NLGN1: variants seen among roughly 807,000 people sequenced by gnomAD.
NLGN1 encodes neuroligin 1.
A neutral mutation model predicts 65.5 loss-of-function variants in NLGN1; 12 were observed. That is an observed-to-expected ratio of 0.18 (90% CI 0.12 to 0.30). The LOEUF (loss-of-function observed/expected upper bound fraction) is 0.30, where lower values mean the gene tolerates loss of function less well. Ranked by LOEUF, NLGN1 falls within the 10% of genes least tolerant of loss-of-function variation. The pLI, the probability that NLGN1 is intolerant of heterozygous loss-of-function variation, is 1.00. For synonymous variants in NLGN1, 350 were observed against 359.5 expected, an observed-to-expected ratio of 0.97 and a Z score of 0.30; for missense variants, 750 against 1,007.1, an observed-to-expected ratio of 0.74 and a Z score of 3.46.
chr3:173,838,093 G>C (rs1319227375), intron 4 of NLGN1, among the ~76,000 whole-genome samples: 1 of 152,070 alleles, frequency 6.6e-6, no homozygotes, highest in Non-Finnish European at 1.5e-5. Flanking sequence ...TGTAGAATGA[G>C]ATTTTTTTGA....
intron 4 of NLGN1, among the ~76,000 whole-genome samples, chr3:173,821,785 C>T (rs375147687): frequency 1.7e-4 from 26 of 152,098 alleles, no homozygotes; most frequent in African/African-American, 5.1e-4. Flanking sequence ...AGTCCCTTAG[C>T]GATATTTTAC....
chr3:173,426,255 A>G (rs144472864), intron 1 of NLGN1, among the ~76,000 whole-genome samples: 7 of 152,222 alleles, frequency 4.6e-5, no homozygotes, highest in African/African-American at 1.4e-4. Context: ...TTTTCTAAGT[A>G]TAAGATTATG....
exon 7 of NLGN1, chr3:174,281,062 G>T: frequency 6.2e-7 from 1 of 1,613,364 alleles, no homozygotes; most frequent in Non-Finnish European, 8.5e-7. Flanking sequence ...GATCATGAAT[G>T]TGAGTCCATT....
At chr3:174,000,256 A>T (rs1723025469) in intron 4 of NLGN1, among the ~76,000 whole-genome samples, 1 of 152,154 alleles carries the variant, frequency 6.6e-6, no homozygotes, top group Non-Finnish European at 1.5e-5. Context: ...ATTTCTATTT[A>T]TAATTTTTGC....
chr3:173,578,246 AAAAG>A (rs1344260934), intron 2 of NLGN1, among the ~76,000 whole-genome samples: 1 of 151,670 alleles, frequency 6.6e-6, no homozygotes, highest in Non-Finnish European at 1.5e-5. Flanking sequence ...AAAAAAAAAA[AAAAG>A]AAGAAGAAGA....
intron 3 of NLGN1, among the ~76,000 whole-genome samples, chr3:173,619,328 A>T (rs932674857): frequency 6.6e-6 from 1 of 152,168 alleles, no homozygotes; most frequent in African/African-American, 2.4e-5. Flanking sequence ...GAAATAAAAG[A>T]TCTGTTCCTC....
intron 1 of NLGN1, among the ~76,000 whole-genome samples, chr3:173,402,915 G>T (rs950445080): frequency 3.9e-5 from 6 of 152,080 alleles, no homozygotes; most frequent in Non-Finnish European, 5.9e-5. Context: ...TTTTCCTGTG[G>T]ACTTGGCTGC....
chr3:173,628,182 A>C (rs945202440), intron 3 of NLGN1, among the ~76,000 whole-genome samples: 1 of 152,084 alleles, frequency 6.6e-6, no homozygotes, highest in Admixed American at 6.6e-5. Context: ...CTCTAGGATG[A>C]CCTTGCTCTG....
chr3:173,404,168 T>C (rs1235252250), intron 1 of NLGN1, among the ~76,000 whole-genome samples: 2 of 152,172 alleles, frequency 1.3e-5, no homozygotes, highest in African/African-American at 2.4e-5. Flanking sequence ...CAACTTTTTT[T>C]CCCTCCAGTT....
At chr3:173,560,675 G>A (rs918243665) in intron 2 of NLGN1, among the ~76,000 whole-genome samples, 1 of 151,914 alleles carries the variant, frequency 6.6e-6, no homozygotes, top group African/African-American at 2.4e-5. Context: ...GAAAGTTTTA[G>A]TTAGTTCCGT....
chr3:173,450,920 C>T (rs150198264), intron 2 of NLGN1, among the ~76,000 whole-genome samples: 27,826 of 152,146 alleles, frequency 0.18, 2,831 homozygotes, highest in African/African-American at 0.27. Context: ...CATCAGGTCC[C>T]TTAAAGACTT....
At chr3:173,814,033 G>A (rs145366074) in intron 4 of NLGN1, among the ~76,000 whole-genome samples, 36 of 152,330 alleles carry the variant, frequency 2.4e-4, no homozygotes, top group African/African-American at 8.2e-4. Flanking sequence ...CGGCGAGGCC[G>A]AGGGCTAGGC....
chr3:173,537,398 A>G (rs1419881807), intron 2 of NLGN1, among the ~76,000 whole-genome samples: 3 of 152,136 alleles, frequency 2.0e-5, no homozygotes, highest in Non-Finnish European at 1.5e-5. Context: ...TTTCTCCTTG[A>G]CATTCCATAA....
At chr3:174,003,150 A>G (rs1329118698) in intron 4 of NLGN1, among the ~76,000 whole-genome samples, 1 of 152,150 alleles carries the variant, frequency 6.6e-6, no homozygotes, top group Non-Finnish European at 1.5e-5. Context: ...AAAAGAAGGA[A>G]TAATAGTGTT....
chr3:173,945,512 G>A (rs996937707), intron 4 of NLGN1, among the ~76,000 whole-genome samples: 2 of 152,038 alleles, frequency 1.3e-5, no homozygotes, highest in Admixed American at 1.3e-4. Flanking sequence ...GACAGTCTGT[G>A]TTGAGTTTTA....
chr3:173,689,365 A>T (rs1475648859), intron 3 of NLGN1, among the ~76,000 whole-genome samples: 2 of 152,116 alleles, frequency 1.3e-5, no homozygotes, highest in Non-Finnish European at 2.9e-5. Context: ...TGGGTAATGG[A>T]GGAGGCAGCC....
chr3:173,823,326 G>T (rs1056217224), intron 4 of NLGN1, among the ~76,000 whole-genome samples: 4 of 151,916 alleles, frequency 2.6e-5, no homozygotes, highest in African/African-American at 9.7e-5. Context: ...CCATGTTAGA[G>T]AAAAGTAAGA....
chr3:173,925,409 A>G (rs1742817081), intron 4 of NLGN1, among the ~76,000 whole-genome samples: 1 of 152,310 alleles, frequency 6.6e-6, no homozygotes, highest in South Asian at 2.1e-4. Flanking sequence ...GAGAAATAAG[A>G]GAAGAATATA....
intron 4 of NLGN1, among the ~76,000 whole-genome samples, chr3:174,118,764 AGAG>A (rs1717118286): frequency 1.3e-5 from 2 of 152,108 alleles, no homozygotes; most frequent in African/African-American, 4.8e-5. Context: ...AATGATCTGG[AGAG>A]GAGATGTTAC....
Sources: allele counts gnomAD v4.1 joint callset (sites outside exome capture counted in the v4.1 genomes callset), GRCh38; gene constraint gnomAD v4.1.1; transcripts MANE v1.5; gene names NCBI Gene and HGNC (gene_info 2026-07-23, HGNC 2026-07-21).